The following SDHB variants were observed in gnomAD, a reference collection of about 807,000 sequenced individuals.
The protein encoded by SDHB is succinate dehydrogenase [ubiquinone] iron-sulfur subunit, mitochondrial.
SDHB carries 21 observed loss-of-function variants against 39.7 expected under a neutral mutation model. The ratio of observed to expected loss-of-function variants is 0.53; its 90% confidence interval spans 0.37 to 0.76. The LOEUF (loss-of-function observed/expected upper bound fraction) is 0.76, where lower values mean the gene tolerates loss of function less well. Ranked by LOEUF, SDHB falls within the 30% of genes least tolerant of loss-of-function variation. The probability of loss-of-function intolerance (pLI) is 0.00; values close to 1 mark genes in which losing one functional copy is unlikely to be tolerated. For synonymous variants in SDHB, 118 were observed against 117.0 expected, an observed-to-expected ratio of 1.01 and a Z score of -0.06; for missense variants, 343 against 350.9, an observed-to-expected ratio of 0.98 and a Z score of 0.18.
At position 17,028,595 on chromosome 1, in the gene SDHB, C is replaced by T; in HGVS notation, c.423+5G>A. 1 of 1,614,122 alleles carries T rather than the reference C, an allele frequency of 6.2e-7. No homozygotes were observed. Among genetic ancestry groups the T allele is most frequent in the Non-Finnish European group, 8.5e-7 (1 of 1,180,022 alleles). Reference sequence around the variant, plus strand: ...AAACAAAACCAGAGAGATGCAGAAACTCACGGGAACAAGATCCTTTATCAC... The same window carrying T: ...AAACAAAACCAGAGAGATGCAGAAATTCACGGGAACAAGATCCTTTATCAC... On this transcript the variant is annotated splice_donor_5th_base_variant and intron_variant, in intron 4 of 7. Transcript: ENST00000375499.
intron 2 of SDHB, among the ~76,000 whole-genome samples, chr1:17,042,313 C>T (rs1016427386): frequency 6.6e-6 from 1 of 152,222 alleles, no homozygotes; most frequent in Non-Finnish European, 1.5e-5. Flanking sequence ...CAAGTATCAA[C>T]TCCCCTCCAA....
chr1:17,026,616 C>T (rs761431721), intron 5 of SDHB, among the ~76,000 whole-genome samples: 8 of 152,068 alleles, frequency 5.3e-5, no homozygotes, highest in African/African-American at 1.4e-4. Flanking sequence ...CCGCCCACCT[C>T]GGCCTCCCTA....
chr1:17,042,318 C>T (rs1309361388), intron 2 of SDHB, among the ~76,000 whole-genome samples: 3 of 152,218 alleles, frequency 2.0e-5, no homozygotes, highest in Admixed American at 2.0e-4. Context: ...ATCAACTCCC[C>T]TCCAATGTCT....
At chr1:17,027,903 A>G (rs1221312463) in intron 4 of SDHB, 38 bp from the exon 5 acceptor site, 5 of 1,213,712 alleles carry the variant, frequency 4.1e-6, no homozygotes, top group Non-Finnish European at 6.1e-6. Flanking sequence ...AGAAGAAGAA[A>G]AGGATCAGAT....
intron 2 of SDHB, among the ~76,000 whole-genome samples, chr1:17,035,161 T>C (rs984495385): frequency 1.3e-5 from 2 of 152,212 alleles, no homozygotes; most frequent in Non-Finnish European, 2.9e-5. Flanking sequence ...GTAACAGAAT[T>C]TTAAACATAC....
At chr1:17,028,388 G>A (rs1394819730) in intron 4 of SDHB, among the ~76,000 whole-genome samples, 1 of 152,144 alleles carries the variant, frequency 6.6e-6, no homozygotes, top group Non-Finnish European at 1.5e-5. Context: ...TGGCCACACT[G>A]TCTCAGATCT....
At chr1:17,036,709 TATAA>T (rs904315426) in intron 2 of SDHB, among the ~76,000 whole-genome samples, 5 of 146,722 alleles carry the variant, frequency 3.4e-5, no homozygotes, top group East Asian at 2.0e-4. Flanking sequence ...AATATGAATA[TATAA>T]ATATAAATAT....
intron 6 of SDHB, among the ~76,000 whole-genome samples, chr1:17,023,458 A>C (rs1271977550): frequency 2.0e-5 from 3 of 152,238 alleles, no homozygotes; most frequent in Non-Finnish European, 4.4e-5. Flanking sequence ...TGTGAAAAGC[A>C]CGTATCTAAA....
chr1:17,053,912 T>A, intron 1 of SDHB, 36 bp downstream of exon 1: 1 of 1,542,294 alleles, frequency 6.5e-7, no homozygotes, highest in Non-Finnish European at 8.9e-7. Flanking sequence ...TCTGTGGCTT[T>A]CCTGACTTTT....
At chr1:17,041,258 T>A (rs2078078489) in intron 2 of SDHB, among the ~76,000 whole-genome samples, 1 of 152,228 alleles carries the variant, frequency 6.6e-6, no homozygotes, top group African/African-American at 2.4e-5. Context: ...CCTTTTCAAA[T>A]ATTATATTTT....
chr1:17,032,483 C>A (rs532136171), intron 3 of SDHB: 1 of 157,532 alleles, frequency 6.3e-6, no homozygotes, highest in Non-Finnish European at 1.4e-5. Context: ...CCACCGCACC[C>A]GGCAGTAATT....
At chr1:17,039,123 C>T (rs1394945783) in intron 2 of SDHB, among the ~76,000 whole-genome samples, 3 of 152,000 alleles carry the variant, frequency 2.0e-5, no homozygotes, top group Admixed American at 6.6e-5. Context: ...CAGTTATTGA[C>T]GTGGCCGGAT....
At chr1:17,047,748 C>T (rs1037020107) in intron 1 of SDHB, among the ~76,000 whole-genome samples, 5 of 151,994 alleles carry the variant, frequency 3.3e-5, no homozygotes, top group Admixed American at 3.3e-4. Context: ...GATCACAGCT[C>T]ACTGCAGCCT....
chr1:17,048,903 G>C (rs1301831517), intron 1 of SDHB, among the ~76,000 whole-genome samples: 1 of 152,042 alleles, frequency 6.6e-6, no homozygotes, highest in Non-Finnish European at 1.5e-5. Flanking sequence ...TAGAGACGGG[G>C]TTTCACCATG....
chr1:17,033,138 G>A lies in SDHB; in HGVS notation c.208C>T (p.Pro70Ser), dbSNP rs200890320. ...TTGATTAAAGCATCCAATACCATGG[G>A]GCCACATCTAACAAAGAAAAATATC... ...TYEVDLNKCG[P>S]MVLDALIKIK... The change falls in exon 3 of 8, where the codon CCC (proline) becomes TCC (serine). Residue 70 changes from proline to serine, a missense_variant. Coordinates refer to ENST00000375499, the MANE Select transcript of SDHB (RefSeq NM_003000.3). 6.2e-7 allele frequency: 1 copy of A among 1,611,432 alleles called. No homozygotes were observed.
At chr1:17,022,961 G>A (rs968837573) in intron 6 of SDHB, 15 of 498,158 alleles carry the variant, frequency 3.0e-5, no homozygotes, top group Admixed American at 2.7e-4. Context: ...CCTGGTACCC[G>A]GGTGCTTAAT....
intron 1 of SDHB, among the ~76,000 whole-genome samples, chr1:17,052,019 A>C (rs77785340): frequency 7.6e-6 from 1 of 130,760 alleles, no homozygotes; most frequent in East Asian, 2.1e-4. Context: ...TTTTTTTTTT[A>C]TTTTTTTAGT....
intron 5 of SDHB, among the ~76,000 whole-genome samples, chr1:17,024,521 C>G (rs574294100): frequency 6.6e-6 from 1 of 152,318 alleles, no homozygotes; most frequent in South Asian, 2.1e-4. Context: ...TCAACATCAT[C>G]CCCAGTGACT....
At chr1:17,027,143 C>T (rs1255949485) in intron 5 of SDHB, among the ~76,000 whole-genome samples, 1 of 152,124 alleles carries the variant, frequency 6.6e-6, no homozygotes, top group Non-Finnish European at 1.5e-5. Flanking sequence ...TCAGAGAAGA[C>T]TTCTTCGCAG....
Sources: gnomAD v4.1 joint callset for allele counts (sites outside exome capture counted in the v4.1 genomes callset) on GRCh38, gnomAD v4.1.1 for gene constraint, MANE v1.5 for transcripts, NCBI Gene and HGNC (gene_info 2026-07-23, HGNC 2026-07-21) for gene names.